CTNNA3: variants seen among roughly 807,000 people sequenced by gnomAD.
The protein encoded by CTNNA3 is catenin alpha-3.
In CTNNA3, 76 loss-of-function variants were observed where a neutral mutation model predicts 95.7. The observed-to-expected ratio is 0.79, with a 90% CI of 0.66 to 0.96. The LOEUF (loss-of-function observed/expected upper bound fraction) is 0.96, where lower values mean the gene tolerates loss of function less well. Ranked by LOEUF, CTNNA3 falls within the 40% of genes least tolerant of loss-of-function variation. CTNNA3 has a pLI of 0.00. For synonymous variants in CTNNA3, 431 were observed against 374.4 expected (o/e 1.15, Z -1.74); for missense variants, 1,191 against 1,089.8 (o/e 1.09, Z -1.31).
intron 7 of CTNNA3, among the ~76,000 whole-genome samples, chr10:66,848,128 T>C (rs1007252745): frequency 2.6e-5 from 4 of 152,152 alleles, no homozygotes; most frequent in African/African-American, 9.7e-5. Flanking sequence ...TTAGGGTAGA[T>C]ATATTTAAAA....
chr10:66,433,592 T>C (rs183586742), intron 11 of CTNNA3, among the ~76,000 whole-genome samples: 162 of 152,338 alleles, frequency 1.1e-3, no homozygotes, highest in African/African-American at 3.7e-3. Context: ...ATTCTGTAGG[T>C]TGCCTGTTTC....
chr10:67,418,712 A>G (rs1845631731), intron 5 of CTNNA3, among the ~76,000 whole-genome samples: 1 of 152,172 alleles, frequency 6.6e-6, no homozygotes. Flanking sequence ...GTTAAAGAAT[A>G]GAAAATTTCA....
In CTNNA3 at chr10:66,586,817, G is replaced by T. The variant is rs74957307; in HGVS notation, c.1374+34875C>A. On this transcript the variant is annotated intron_variant, in intron 10 of 17. Coordinates refer to ENST00000433211, the MANE Select transcript of CTNNA3 (RefSeq NM_013266.4). Reference sequence around the variant, plus strand: ...CTCCCGAAAGAAACTTCTCACAAGTGGGAAGTTAAGGGACTCAAGGCCCAT... The same window carrying T: ...CTCCCGAAAGAAACTTCTCACAAGTTGGAAGTTAAGGGACTCAAGGCCCAT... 8.8e-4 allele frequency among the ~76,000 whole-genome samples: 134 copies of T among 152,226 alleles called. No homozygotes were observed. In the East Asian group the frequency reaches 0.023, roughly 26 times the overall value.
chr10:67,433,602 C>T (rs539375171), intron 5 of CTNNA3, among the ~76,000 whole-genome samples: 1 of 151,822 alleles, frequency 6.6e-6, no homozygotes, highest in African/African-American at 2.4e-5. Flanking sequence ...CTTTGTATTG[C>T]CTTTATCAAA....
chr10:66,398,728 A>G (rs1051648371), intron 11 of CTNNA3, among the ~76,000 whole-genome samples: 2 of 152,008 alleles, frequency 1.3e-5, no homozygotes, highest in Admixed American at 1.3e-4. Flanking sequence ...CTTTTACTCA[A>G]TTCAAGATCT....
intron 17 of CTNNA3, among the ~76,000 whole-genome samples, chr10:65,958,981 G>GC (rs962851235): frequency 6.6e-6 from 1 of 152,200 alleles, no homozygotes; most frequent in Non-Finnish European, 1.5e-5. Flanking sequence ...GCTATGCCCT[G>GC]CCCCCAGAGG....
chr10:66,400,517 T>TATATAG (rs1352432565), intron 11 of CTNNA3, among the ~76,000 whole-genome samples: 1 of 152,046 alleles, frequency 6.6e-6, no homozygotes, highest in Non-Finnish European at 1.5e-5. Flanking sequence ...AAGAGTGATA[T>TATATAG]ATATAGATAT....
rs187785051 is a variant in CTNNA3 at position 66,553,571 on chromosome 10, G to A, written c.1375-32798C>T. Among the ~76,000 whole-genome samples the A allele has an allele frequency of 5.1e-3, 568 of 110,466 alleles. 4 individuals carry two copies. Among genetic ancestry groups the A allele is most frequent in the Middle Eastern group, 0.022 (2 of 92 alleles). 72.5% of individuals were successfully genotyped at this position (110,466 alleles called of 152,430 possible). Reference sequence around the variant, plus strand: ...AGGCGGAGTCTTGCTCTGTCACCCAGGCTGGAGTGCAGTGGCGCCCATCTT... The same window carrying A: ...AGGCGGAGTCTTGCTCTGTCACCCAAGCTGGAGTGCAGTGGCGCCCATCTT... On this transcript the variant is annotated intron_variant, in intron 10 of 17. Transcript: ENST00000433211.
Position 67,134,861 on chromosome 10 carries a change from T to C in CTNNA3, c.1047+45456A>G, listed in dbSNP as rs570656897. On this transcript the variant is annotated intron_variant, in intron 7 of 17. Coordinates refer to ENST00000433211, the MANE Select transcript of CTNNA3 (RefSeq NM_013266.4). Reference sequence around the variant, plus strand: ...AGTTCCAAAGAAGGAGGGATTTTTATATGACAGAGAGGAGTCACTCTGTAG... The same window carrying C: ...AGTTCCAAAGAAGGAGGGATTTTTACATGACAGAGAGGAGTCACTCTGTAG... Among the ~76,000 whole-genome samples the C allele has an allele frequency of 2.0e-5, 3 of 152,144 alleles. No individual in the cohort carries two copies. The South Asian group carries it at 6.2e-4, about 32-fold the overall frequency.
At chr10:67,749,614 GA>G (rs1408564763) in intron 1 of CTNNA3, among the ~76,000 whole-genome samples, 1 of 152,024 alleles carries the variant, frequency 6.6e-6, no homozygotes, top group African/African-American at 2.4e-5. Context: ...TGAAACCAAT[GA>G]GAAAAAAAGA....
chr10:67,651,939 T>C (rs991945105), intron 1 of CTNNA3, among the ~76,000 whole-genome samples: 4 of 152,214 alleles, frequency 2.6e-5, no homozygotes, highest in African/African-American at 4.8e-5. Flanking sequence ...AATAAGAATA[T>C]TTGCTCTTCT....
chr10:66,699,779 C>A (rs1043625320), intron 9 of CTNNA3, among the ~76,000 whole-genome samples: 8 of 151,940 alleles, frequency 5.3e-5, no homozygotes, highest in African/African-American at 1.7e-4. Context: ...CTGCCTCAGC[C>A]CCCCGAGTAG....
chr10:65,975,454 A>T (rs2078191910), intron 16 of CTNNA3, among the ~76,000 whole-genome samples: 1 of 152,142 alleles, frequency 6.6e-6, no homozygotes, highest in Non-Finnish European at 1.5e-5. Flanking sequence ...AACAATAGTT[A>T]ATTTTCATTT....
chr10:67,433,311 C>G (rs1404040354), intron 5 of CTNNA3, among the ~76,000 whole-genome samples: 1 of 151,970 alleles, frequency 6.6e-6, no homozygotes, highest in African/African-American at 2.4e-5. Flanking sequence ...TTCACCATCT[C>G]AAATGGGCTT....
chr10:66,592,656 G>T (rs1048893052), intron 10 of CTNNA3, among the ~76,000 whole-genome samples: 1 of 152,178 alleles, frequency 6.6e-6, no homozygotes, highest in East Asian at 1.9e-4. Flanking sequence ...AAATTTAAAA[G>T]ATGAAGGGAT....
chr10:66,324,993 G>A (rs2092236975), intron 12 of CTNNA3, among the ~76,000 whole-genome samples: 1 of 151,872 alleles, frequency 6.6e-6, no homozygotes, highest in African/African-American at 2.4e-5. Context: ...CAGCTGTGGA[G>A]AGAGGTCAGA....
chr10:67,644,559 C>A (rs1201129200), intron 2 of CTNNA3, among the ~76,000 whole-genome samples: 2 of 151,464 alleles, frequency 1.3e-5, no homozygotes, highest in Non-Finnish European at 2.9e-5. Context: ...TATACATGAT[C>A]AAAGTGACAG....
At chr10:66,819,486 T>C (rs1197735628) in intron 7 of CTNNA3, among the ~76,000 whole-genome samples, 2 of 152,066 alleles carry the variant, frequency 1.3e-5, no homozygotes, top group Admixed American at 6.6e-5. Context: ...TAAATAGGTA[T>C]ACTGGACTTC....
At chr10:66,554,460 C>A (rs528687942) in intron 10 of CTNNA3, among the ~76,000 whole-genome samples, 18 of 152,188 alleles carry the variant, frequency 1.2e-4, no homozygotes, top group African/African-American at 4.3e-4. Context: ...TCTCTCTGTT[C>A]TCCTTCTAGA....
Sources: allele counts gnomAD v4.1 joint callset (sites outside exome capture counted in the v4.1 genomes callset), GRCh38; gene constraint gnomAD v4.1.1; transcripts MANE v1.5; gene names NCBI Gene and HGNC (gene_info 2026-07-23, HGNC 2026-07-21).